The following SUGCT variants were observed in gnomAD, a reference collection of about 807,000 sequenced individuals.
SUGCT encodes the protein succinyl-CoA:glutarate CoA-transferase.
A neutral mutation model predicts 55.0 loss-of-function variants in SUGCT; 41 were observed. That is an observed-to-expected ratio of 0.74 (90% CI 0.58 to 0.97). The LOEUF is 0.97. SUGCT is among the 50% of genes least tolerant of loss of function. SUGCT has a pLI of 0.00. For synonymous variants in SUGCT, 187 were observed against 200.4 expected, an observed-to-expected ratio of 0.93 and a Z score of 0.56; for missense variants, 568 against 547.8, an observed-to-expected ratio of 1.04 and a Z score of -0.37.
intron 11 of SUGCT, among the ~76,000 whole-genome samples, chr7:40,486,963 A>T (rs1195544296): frequency 6.6e-6 from 1 of 151,478 alleles, no homozygotes; most frequent in African/African-American, 2.4e-5. Context: ...GTTAAGGAGC[A>T]TGTTCAGGAG....
intron 12 of SUGCT, among the ~76,000 whole-genome samples, chr7:40,564,517 C>A (rs1796021944): frequency 6.6e-6 from 1 of 152,238 alleles, no homozygotes; most frequent in Non-Finnish European, 1.5e-5. Flanking sequence ...AAGGAATGTA[C>A]TTGAAATTTC....
At chr7:40,229,509 AC>A (rs1050000739) in intron 6 of SUGCT, among the ~76,000 whole-genome samples, 5 of 143,668 alleles carry the variant, frequency 3.5e-5, no homozygotes, top group African/African-American at 1.3e-4. Flanking sequence ...ATAGAGTGAG[AC>A]CCCGTCTCAA....
rs989860041 is a variant in SUGCT at position 40,574,384 on chromosome 7, T to C, written c.1089+77998T>C. Among the ~76,000 whole-genome samples the C allele has an allele frequency of 7.2e-5, 11 of 152,296 alleles. No homozygotes were observed. In the East Asian group the frequency reaches 2.1e-3, roughly 29 times the overall value. ...ATTTCCAATTTCATTTCTGAAGATA[T>C]ATTATGTCATCCTGAAGGTGGGCCT... On this transcript the variant is annotated intron_variant, in intron 12 of 13. Transcript: ENST00000335693.
the SUGCT span, among the ~76,000 whole-genome samples, chr7:40,910,335 C>G: frequency 6.6e-6 from 1 of 152,046 alleles, no homozygotes; most frequent in Non-Finnish European, 1.5e-5. Flanking sequence ...AGAAGATTAA[C>G]TTTTAATGGA....
intron 13 of SUGCT, among the ~76,000 whole-genome samples, chr7:40,823,355 T>C (rs1792126884): frequency 6.6e-6 from 1 of 152,162 alleles, no homozygotes; most frequent in Non-Finnish European, 1.5e-5. Context: ...TAAGACTGTC[T>C]CTACTACATA....
chr7:40,903,453 G>T, the SUGCT span, among the ~76,000 whole-genome samples: 1 of 152,174 alleles, frequency 6.6e-6, no homozygotes, highest in South Asian at 2.1e-4. Flanking sequence ...CATAGCCTTT[G>T]CTAGGACACC....
At chr7:40,459,506 A>T (rs1448109895) in intron 11 of SUGCT, among the ~76,000 whole-genome samples, 1 of 152,192 alleles carries the variant, frequency 6.6e-6, no homozygotes, top group Non-Finnish European at 1.5e-5. Flanking sequence ...GTTTATCATA[A>T]ATACAACAAC....
chr7:40,211,166 G>C (rs931077809), intron 6 of SUGCT, among the ~76,000 whole-genome samples: 2 of 151,800 alleles, frequency 1.3e-5, no homozygotes, highest in African/African-American at 4.8e-5. Context: ...TAGAGATGGG[G>C]TTTCGCCATA....
chr7:40,465,328 G>A (rs1382004857), intron 11 of SUGCT, among the ~76,000 whole-genome samples: 1 of 152,164 alleles, frequency 6.6e-6, no homozygotes, highest in Non-Finnish European at 1.5e-5. Flanking sequence ...TGCGGTGGCT[G>A]GCTGGGTACA....
At chr7:40,306,201 T>C (rs762563767) in intron 8 of SUGCT, among the ~76,000 whole-genome samples, 18 of 152,224 alleles carry the variant, frequency 1.2e-4, no homozygotes, top group Non-Finnish European at 2.4e-4. Flanking sequence ...GTCATTAAAT[T>C]TAATAGCTTG....
At chr7:40,358,675 C>G (rs185885396) in intron 9 of SUGCT, among the ~76,000 whole-genome samples, 89 of 152,126 alleles carry the variant, frequency 5.9e-4, no homozygotes, top group African/African-American at 2.1e-3. Flanking sequence ...AATTGTGCCA[C>G]TGCACTCCAG....
intron 13 of SUGCT, among the ~76,000 whole-genome samples, chr7:40,788,226 C>T (rs1299379751): frequency 5.3e-5 from 8 of 152,288 alleles, no homozygotes; most frequent in Non-Finnish European, 8.8e-5. Flanking sequence ...CATAATGAGG[C>T]AGGACCCCTT....
intron 13 of SUGCT, among the ~76,000 whole-genome samples, chr7:40,853,850 A>G (rs1006256601): frequency 6.6e-6 from 1 of 152,258 alleles, no homozygotes; most frequent in African/African-American, 2.4e-5. Flanking sequence ...CATAGCGAAT[A>G]TCTAAGAAAG....
At chr7:40,248,013 GTT>G (rs70996895) in intron 7 of SUGCT, among the ~76,000 whole-genome samples, 48 of 123,064 alleles carry the variant, frequency 3.9e-4, no homozygotes, top group Admixed American at 5.0e-4. Context: ...TTGTTTTTTT[GTT>G]TTTTTTTTTT....
chr7:40,639,702 G>A (rs567862018), intron 12 of SUGCT, among the ~76,000 whole-genome samples: 6 of 149,706 alleles, frequency 4.0e-5, no homozygotes, highest in South Asian at 2.1e-4. Flanking sequence ...CAGTAGAGAC[G>A]GGGTTTCGCC....
chr7:40,252,732 C>T (rs1790511819), intron 7 of SUGCT, among the ~76,000 whole-genome samples: 1 of 152,122 alleles, frequency 6.6e-6, no homozygotes, highest in Non-Finnish European at 1.5e-5. Context: ...ACTGCAGCCT[C>T]AAACTCCTGG....
chr7:40,966,835 T>A, the SUGCT span: 1 of 152,216 alleles, frequency 6.6e-6, no homozygotes. Context: ...GACTGCCACA[T>A]TGGAAAATGA....
At chr7:40,697,105 A>C (rs1374842564) in intron 12 of SUGCT, among the ~76,000 whole-genome samples, 1 of 152,184 alleles carries the variant, frequency 6.6e-6, no homozygotes, top group Non-Finnish European at 1.5e-5. Context: ...ACACACAGCA[A>C]AAAGGCTCAA....
chr7:40,309,405 C>T (rs1468878550), intron 8 of SUGCT, among the ~76,000 whole-genome samples: 2 of 152,168 alleles, frequency 1.3e-5, no homozygotes, highest in East Asian at 1.9e-4. Flanking sequence ...AGCGATTCTC[C>T]TGCCTCAGCC....
Sources: allele counts gnomAD v4.1 joint callset (sites outside exome capture counted in the v4.1 genomes callset), GRCh38; gene constraint gnomAD v4.1.1; transcripts MANE v1.5; gene names NCBI Gene and HGNC (gene_info 2026-07-23, HGNC 2026-07-21).